Variants in AP2S1 observed in about 807,000 individuals in gnomAD.
The protein encoded by AP2S1 is AP-2 complex subunit sigma.
In AP2S1, 6 loss-of-function variants were observed where a neutral mutation model predicts 21.0. That is an observed-to-expected ratio of 0.29 (90% confidence interval 0.16 to 0.56). The LOEUF is 0.56. AP2S1 is among the 20% of genes least tolerant of loss of function. AP2S1 has a pLI of 0.92. For missense variants in AP2S1, 60 were observed against 186.2 expected (o/e 0.32, Z 3.95); for synonymous variants, 63 against 74.6 (o/e 0.84, Z 0.80).
intron 2 of AP2S1, among the ~76,000 whole-genome samples, chr19:46,842,670 A>G (rs1454287549): frequency 6.6e-6 from 1 of 151,930 alleles, no homozygotes; most frequent in African/African-American, 2.4e-5. Flanking sequence ...ACCAGCCACT[A>G]CATTAGCAGC....
intron 1 of AP2S1, among the ~76,000 whole-genome samples, chr19:46,846,781 T>G (rs535964201): frequency 6.6e-6 from 1 of 152,290 alleles, no homozygotes; most frequent in East Asian, 1.9e-4. Context: ...TTCTCCTGCC[T>G]CAGTGTCCTG....
At position 46,844,172 on chromosome 19, in the gene AP2S1, G is replaced by C. The variant is rs550737888; in HGVS notation, c.153+1821C>G. Among the ~76,000 whole-genome samples, 10 of 152,022 alleles carry C rather than the reference G, an allele frequency of 6.6e-5. No homozygotes were observed. The South Asian group carries it at 8.3e-4, about 13-fold the overall frequency. On this transcript the variant is annotated intron_variant, in intron 2 of 4. Coordinates refer to ENST00000263270, the MANE Select transcript of AP2S1 (RefSeq NM_004069.6). ...CCCACCTTGGCCTCCCAAAGTGCTG[G>C]GATTACAGGAGTGAGCCACCGCGCC...
chr19:46,838,439 G>C lies in AP2S1; in HGVS notation c.*8C>G, dbSNP rs775941065. 1 of 1,613,804 alleles carries C rather than the reference G, an allele frequency of 6.2e-7. No individual in the cohort carries two copies. Among genetic ancestry groups the C allele is most frequent in the Non-Finnish European group, 8.5e-7 (1 of 1,179,824 alleles). ...AGGGGCCGGGGCCGGGGTGGGGCTCGCCTGCCCTCACTCCAGGGACTGTAG... is the reference window on the plus strand; with the variant it reads ...AGGGGCCGGGGCCGGGGTGGGGCTCCCCTGCCCTCACTCCAGGGACTGTAG... On this transcript the variant is annotated 3_prime_UTR_variant, in exon 5 of 5. Coordinates refer to ENST00000263270, the MANE Select transcript of AP2S1 (RefSeq NM_004069.6). This position sits in a 1 kb window ranked among gnomAD's most constrained non-coding sequence, Gnocchi z 4.1.
chr19:46,841,011 C>T (rs1008851372), intron 2 of AP2S1, among the ~76,000 whole-genome samples: 1 of 151,358 alleles, frequency 6.6e-6, no homozygotes, highest in Non-Finnish European at 1.5e-5. Flanking sequence ...CAGAGTGCAG[C>T]GGCGCAATCT....
chr19:46,840,720 A>ACT (rs1555749056), intron 2 of AP2S1, among the ~76,000 whole-genome samples: 1 of 110,724 alleles, frequency 9.0e-6, no homozygotes, highest in Non-Finnish European at 1.7e-5. Context: ...AGTCTTCGGC[A>ACT]TTTTTTTTTT....
chr19:46,846,676 T>A (rs916216572), intron 1 of AP2S1, among the ~76,000 whole-genome samples: 2 of 152,084 alleles, frequency 1.3e-5, no homozygotes, highest in Non-Finnish European at 2.9e-5. Flanking sequence ...TTGTTATTTT[T>A]AAATTTTCAG....
chr19:46,843,023 C>T (rs1002793876), intron 2 of AP2S1, among the ~76,000 whole-genome samples: 2 of 152,156 alleles, frequency 1.3e-5, no homozygotes, highest in Non-Finnish European at 2.9e-5. Context: ...GGGATGTGGA[C>T]GATACTCGGG....
At chr19:46,841,690 A>G (rs1233739506) in intron 2 of AP2S1, among the ~76,000 whole-genome samples, 1 of 152,252 alleles carries the variant, frequency 6.6e-6, no homozygotes, top group Non-Finnish European at 1.5e-5. Context: ...TGGCACAGGT[A>G]ATGGCCCCCA....
intron 1 of AP2S1, among the ~76,000 whole-genome samples, chr19:46,848,090 C>T (rs572609741): frequency 6.6e-6 from 1 of 152,008 alleles, no homozygotes; most frequent in Non-Finnish European, 1.5e-5. Flanking sequence ...TATTCCTGGC[C>T]GGTCACGGTG....
chr19:46,840,842 C>G (rs146013798), intron 2 of AP2S1, among the ~76,000 whole-genome samples: 1 of 150,568 alleles, frequency 6.6e-6, no homozygotes, highest in Admixed American at 6.6e-5. Context: ...CTCAGTCTCC[C>G]GAGTAGCTGG....
At chr19:46,849,994 A>T (rs2055709532) in intron 1 of AP2S1, 1 of 759,122 alleles carries the variant, frequency 1.3e-6, no homozygotes, top group Non-Finnish European at 1.8e-6. Flanking sequence ...GGCACTCCTA[A>T]ATCCAATGTT....
intron 2 of AP2S1, 185 bp from the exon 3 acceptor site, chr19:46,839,763 G>T: frequency 2.0e-6 from 2 of 990,796 alleles, no homozygotes; most frequent in Non-Finnish European, 2.9e-6. Flanking sequence ...TGCAGCGGGG[G>T]CAGGCATCCC....
chr19:46,847,907 G>A (rs1259770080), intron 1 of AP2S1, among the ~76,000 whole-genome samples: 1 of 152,116 alleles, frequency 6.6e-6, no homozygotes, highest in Admixed American at 6.5e-5. Flanking sequence ...GTTTTCGTGT[G>A]GATGGATCAT....
chr19:46,844,849 C>CCCAT (rs1412267189), intron 2 of AP2S1, among the ~76,000 whole-genome samples: 1 of 152,094 alleles, frequency 6.6e-6, no homozygotes, highest in African/African-American at 2.4e-5. Flanking sequence ...CGCCTGTAAT[C>CCCAT]CCAGCACTTT....
Position 46,840,367 on chromosome 19 carries a change from CAAAAA to C in AP2S1, c.154-794_154-790del, listed in dbSNP as rs60907407. 6.2e-4 allele frequency among the ~76,000 whole-genome samples: 62 copies of C among 100,424 alleles called. 1 individual carries two copies. Among genetic ancestry groups the C allele is most frequent in the Admixed American group, 1.8e-3 (17 of 9,500 alleles). 65.9% of individuals were successfully genotyped at this position (100,424 alleles called of 152,430 possible). ...TATGTTCTCAATGTCAGGTTCATTACAAAAAAAAAAAAAAAAAAAATCCCAGCACT... is the reference window on the plus strand; with the variant it reads ...TATGTTCTCAATGTCAGGTTCATTACAAAAAAAAAAAAAAATCCCAGCACT... On this transcript the variant is annotated intron_variant, in intron 2 of 4. Coordinates refer to ENST00000263270, the MANE Select transcript of AP2S1 (RefSeq NM_004069.6).
At chr19:46,846,710 G>A (rs897338470) in intron 1 of AP2S1, among the ~76,000 whole-genome samples, 1 of 152,100 alleles carries the variant, frequency 6.6e-6, no homozygotes, top group Non-Finnish European at 1.5e-5. Flanking sequence ...CTGTCACCCA[G>A]GCTGGAGTGC....
intron 3 of AP2S1, 41 bp downstream of exon 3, chr19:46,839,424 G>GTC: frequency 6.6e-7 from 1 of 1,504,488 alleles, no homozygotes; most frequent in Non-Finnish European, 9.2e-7. Context: ...CTCCAGGGCT[G>GTC]CCCACCCGCC....
rs146432935 is a variant in AP2S1 at position 46,844,872 on chromosome 19, C to T, written c.153+1121G>A. 1.9e-3 allele frequency among the ~76,000 whole-genome samples: 293 copies of T among 150,624 alleles called. 2 individuals carry two copies. Among genetic ancestry groups the T allele is most frequent in the African/African-American group, 6.8e-3 (278 of 40,954 alleles). The stretch of plus-strand genomic sequence containing the variant: ...ATCCCAGCACTTTGGGAGGCCAAGG[C>T]GGGTGGATCACTTGAGATCAGGAGG... On this transcript the variant is annotated intron_variant, in intron 2 of 4. Transcript: ENST00000263270.
At position 46,838,782 on chromosome 19, in the gene AP2S1, G is replaced by A. The variant is rs773768685; in HGVS notation, c.285C>T (p.Phe95=). The A allele has an allele frequency of 1.6e-5, 26 of 1,613,104 alleles. 1 individual carries two copies. In the Middle Eastern group the frequency reaches 1.3e-3, roughly 82 times the overall value. Residue 95 remains phenylalanine (F), a synonymous_variant, in exon 4 of 5, where the codon TTC becomes TTT. Transcript: ENST00000263270. The surrounding 1 kb of genome is among the most constrained non-coding windows in gnomAD (Gnocchi z 4.1). The part of the protein sequence containing the change: ...HNFVEVLNEY[F]HNVCELDLVF... ...CCAGGTCCAGTTCACAGACATTGTGGAAATATTCGTTTAAGACCTGGGAGA... is the reference window on the plus strand; with the variant it reads ...CCAGGTCCAGTTCACAGACATTGTGAAAATATTCGTTTAAGACCTGGGAGA...
Sources: allele counts gnomAD v4.1 joint callset (sites outside exome capture counted in the v4.1 genomes callset), GRCh38; gene constraint gnomAD v4.1.1; non-coding constraint Gnocchi (gnomAD v3.1); transcripts MANE v1.5; gene names NCBI Gene and HGNC (gene_info 2026-07-23, HGNC 2026-07-21).